FCRL4: variants seen among roughly 807,000 people sequenced by gnomAD.
The protein encoded by FCRL4 is Fc receptor like 4.
In FCRL4, 43 loss-of-function variants were observed where a neutral mutation model predicts 64.1. That is an observed-to-expected ratio of 0.67 (90% CI 0.53 to 0.87). FCRL4 has a LOEUF of 0.87. Among genes scored for constraint, FCRL4 ranks in the 40% least tolerant of loss-of-function variants. FCRL4 has a pLI of 0.00. For synonymous variants in FCRL4, 253 were observed against 239.8 expected, an observed-to-expected ratio of 1.05 and a Z score of -0.51; for missense variants, 656 against 613.5, an observed-to-expected ratio of 1.07 and a Z score of -0.73.
intron 2 of FCRL4, among the ~76,000 whole-genome samples, chr1:157,592,298 A>G (rs1444648571): frequency 6.6e-6 from 1 of 152,230 alleles, no homozygotes; most frequent in African/African-American, 2.4e-5. Flanking sequence ...TTATCATCAG[A>G]GCAAACAGGC....
intron 3 of FCRL4, among the ~76,000 whole-genome samples, 194 bp downstream of exon 3, chr1:157,589,009 AT>A (rs1344394191): frequency 1.3e-5 from 2 of 152,218 alleles, no homozygotes; most frequent in Non-Finnish European, 2.9e-5. Flanking sequence ...ATGTCGATTA[AT>A]ATTAACCATT....
intron 2 of FCRL4, among the ~76,000 whole-genome samples, chr1:157,592,192 A>G (rs756513174): frequency 8.5e-5 from 13 of 152,214 alleles, no homozygotes; most frequent in Non-Finnish European, 1.6e-4. Flanking sequence ...ATGGGCAAAG[A>G]CTTCATGACT....
At chr1:157,587,720 A>G in intron 4 of FCRL4, 145 bp downstream of exon 4, 1 of 1,110,396 alleles carries the variant, frequency 9.0e-7, no homozygotes. Flanking sequence ...TTCAGGTCCA[A>G]TCACCCCACT....
At chr1:157,596,782 A>G (rs1216366004) in intron 1 of FCRL4, among the ~76,000 whole-genome samples, 1 of 152,158 alleles carries the variant, frequency 6.6e-6, no homozygotes, top group East Asian at 1.9e-4. Flanking sequence ...CAGACAGTAG[A>G]GGGTAGTAGT....
chr1:157,580,701 T>A (rs894554446), intron 7 of FCRL4, among the ~76,000 whole-genome samples: 5 of 152,220 alleles, frequency 3.3e-5, no homozygotes, highest in African/African-American at 1.2e-4. Context: ...AGAGGAGCAC[T>A]GGGCTCTGAC....
intron 6 of FCRL4, among the ~76,000 whole-genome samples, chr1:157,583,996 T>C (rs1450009489): frequency 1.3e-5 from 2 of 152,156 alleles, no homozygotes; most frequent in African/African-American, 4.8e-5. Flanking sequence ...TAAAATGAAA[T>C]GATACATGTG....
chr1:157,589,149 C>A, intron 3 of FCRL4, 55 bp downstream of exon 3: 2 of 1,579,842 alleles, frequency 1.3e-6, no homozygotes, highest in South Asian at 2.3e-5. Context: ...CTCCAGGGAG[C>A]TAAGATAAAC....
chr1:157,594,121 T>C (rs1336448794), intron 2 of FCRL4, among the ~76,000 whole-genome samples: 1 of 152,186 alleles, frequency 6.6e-6, no homozygotes, highest in Non-Finnish European at 1.5e-5. Flanking sequence ...AGGAGAAATC[T>C]ATAATAGGGA....
At chr1:157,577,066 A>G (rs1652433227) in intron 10 of FCRL4, among the ~76,000 whole-genome samples, 1 of 152,228 alleles carries the variant, frequency 6.6e-6, no homozygotes, top group Non-Finnish European at 1.5e-5. Context: ...ACCCAGGTTA[A>G]TCAACCAAAG....
chr1:157,581,365 A>G lies in FCRL4; in HGVS notation c.1249+166T>C, dbSNP rs188506306. ...CTCATTCATGGCTTCTGTTTGCAAAACTGCCCCTTAAGGAAGGGACGGACG... is the reference window on the plus strand; with the variant it reads ...CTCATTCATGGCTTCTGTTTGCAAAGCTGCCCCTTAAGGAAGGGACGGACG... On this transcript the variant is annotated intron_variant, in intron 7 of 11. Transcript: ENST00000271532. Among the ~76,000 whole-genome samples the G allele has an allele frequency of 2.5e-3, 377 of 152,236 alleles. 2 individuals are homozygous for G. Among genetic ancestry groups the G allele is most frequent in the African/African-American group, 8.7e-3 (360 of 41,534 alleles).
Position 157,575,565 on chromosome 1 carries a change from T to C in FCRL4, c.1507A>G (p.Asn503Asp), listed in dbSNP as rs151244603. Residue 503 changes from asparagine to aspartate, a missense_variant, in exon 12 of 12, where the codon AAC becomes GAC. Physicochemically the swap from Asn to Asp is conservative, Grantham distance 23 (BLOSUM62 1). Transcript: ENST00000271532. Reference sequence around the variant, plus strand: ...TTAGAGCTGATCTTTCCAGCTGAGTTATCTGGGTGTTGTGTCTTTACCTCA... The same window carrying C: ...TTAGAGCTGATCTTTCCAGCTGAGTCATCTGGGTGTTGTGTCTTTACCTCA... ...YSEVKTQHPD[N>D]SAGKISSKDE... The C allele has an allele frequency of 3.7e-6, 6 of 1,614,002 alleles. No individual in the cohort carries two copies. In the African/African-American group the frequency reaches 5.3e-5, roughly 14 times the overall value.
intron 1 of FCRL4, 148 bp from the exon 2 acceptor site, chr1:157,596,496 A>C (rs1652969882): frequency 4.8e-6 from 4 of 827,354 alleles, no homozygotes; most frequent in Admixed American, 2.3e-5. Flanking sequence ...GGGGAAACAC[A>C]GTGGCCAGAC....
At chr1:157,588,512 G>C (rs1340151981) in intron 3 of FCRL4, among the ~76,000 whole-genome samples, 1 of 152,222 alleles carries the variant, frequency 6.6e-6, no homozygotes, top group Non-Finnish European at 1.5e-5. Context: ...CTGGACATTG[G>C]AGTGTGATTT....
chr1:157,582,236 A>T (rs973301490), intron 6 of FCRL4, among the ~76,000 whole-genome samples: 1 of 152,194 alleles, frequency 6.6e-6, no homozygotes, highest in Non-Finnish European at 1.5e-5. Flanking sequence ...CCGTTCTCCT[A>T]TCCTTTCATC....
chr1:157,575,508 G>C lies in FCRL4; in HGVS notation c.*16C>G, dbSNP rs61023553. ...GAAATCACATGAGTAGGACGTTCTC[G>C]TAACTTTTCATTCTCTTAACTTTCT... On this transcript the variant is annotated 3_prime_UTR_variant, in exon 12 of 12. Coordinates refer to ENST00000271532, the MANE Select transcript of FCRL4 (RefSeq NM_031282.3). 4 of 1,601,994 alleles carry C rather than the reference G, an allele frequency of 2.5e-6. No homozygotes were observed. The highest frequency in any genetic ancestry group is 3.4e-6 in the Non-Finnish European group (4 of 1,170,520).
At chr1:157,583,109 C>G (rs1652599168) in intron 6 of FCRL4, among the ~76,000 whole-genome samples, 1 of 152,244 alleles carries the variant, frequency 6.6e-6, no homozygotes, top group African/African-American at 2.4e-5. Context: ...CCTCAACTTA[C>G]TCACTGTGTG....
chr1:157,596,471 C>G, intron 1 of FCRL4, 123 bp from the exon 2 acceptor site: 1 of 1,096,224 alleles, frequency 9.1e-7, no homozygotes, highest in Non-Finnish European at 1.4e-6. Flanking sequence ...TCCATTCCAT[C>G]CATCCCAGGG....
intron 6 of FCRL4, among the ~76,000 whole-genome samples, chr1:157,583,161 A>G (rs544111496): frequency 1.3e-5 from 2 of 152,272 alleles, no homozygotes; most frequent in South Asian, 2.1e-4. Flanking sequence ...TCAGTTTCCT[A>G]TTTACTGTTG....
chr1:157,574,578 T>C lies in FCRL4; in HGVS notation c.*946A>G, dbSNP rs1652358106. Reference sequence around the variant, plus strand: ...AATTATTCTCATATAAACTAATTAGTAACTCAAAGACACAGTTCCTACAAG... The same window carrying C: ...AATTATTCTCATATAAACTAATTAGCAACTCAAAGACACAGTTCCTACAAG... On this transcript the variant is annotated 3_prime_UTR_variant, in exon 12 of 12. Coordinates refer to ENST00000271532, the MANE Select transcript of FCRL4 (RefSeq NM_031282.3). The C allele has an allele frequency of 1.9e-5, 4 of 206,456 alleles. No individual in the cohort carries two copies. The Admixed American group carries it at 2.4e-4, about 12-fold the overall frequency. 12.8% of individuals were successfully genotyped at this position (206,456 alleles called of 1,614,324 possible). A position where few individuals can be genotyped will look rare whatever the true frequency, so the allele number is the denominator to read the frequency against.
Sources: allele counts gnomAD v4.1 joint callset (sites outside exome capture counted in the v4.1 genomes callset), GRCh38; gene constraint gnomAD v4.1.1; transcripts MANE v1.5; gene names NCBI Gene and HGNC (gene_info 2026-07-23, HGNC 2026-07-21).